DYNC2I1: variants seen among roughly 807,000 people sequenced by gnomAD.
The protein encoded by DYNC2I1 is cytoplasmic dynein 2 intermediate chain 1.
Under a neutral mutation model 133.4 loss-of-function variants are expected in DYNC2I1, and 89 were observed. The observed-to-expected ratio is 0.67, with a 90% CI of 0.56 to 0.80. DYNC2I1 has a LOEUF of 0.80. Among genes scored for constraint, DYNC2I1 ranks in the 30% least tolerant of loss-of-function variants. The pLI is 0.00. For synonymous variants in DYNC2I1, 504 were observed against 484.3 expected, an observed-to-expected ratio of 1.04 and a Z score of -0.54; for missense variants, 1,291 against 1,314.5, an observed-to-expected ratio of 0.98 and a Z score of 0.28.
chr7:158,872,823 C>T (rs759056940), intron 3 of DYNC2I1, among the ~76,000 whole-genome samples: 1 of 151,910 alleles, frequency 6.6e-6, no homozygotes. Context: ...ATGGCGAAAC[C>T]CCATCTCTAC....
chr7:158,927,128 T>A, intron 20 of DYNC2I1, 85 bp downstream of exon 20: 1 of 966,088 alleles, frequency 1.0e-6, no homozygotes, highest in Non-Finnish European at 1.6e-6. Context: ...TCAGGTGCAG[T>A]GGCTCACACC....
At chr7:158,909,562 A>T (rs1469898721) in intron 11 of DYNC2I1, among the ~76,000 whole-genome samples, 9 of 152,258 alleles carry the variant, frequency 5.9e-5, no homozygotes, top group African/African-American at 1.9e-4. Flanking sequence ...TACTTTCTTG[A>T]TGGAATGGCT....
rs764946820 is a variant in DYNC2I1 at position 158,945,188 on chromosome 7, A to G, written c.3003-393A>G. ...GCTCCAGGGTGAGTCCGGGCTGGAGACGCAGACTTGTGAGTCCTGACACTC... is the reference window on the plus strand; with the variant it reads ...GCTCCAGGGTGAGTCCGGGCTGGAGGCGCAGACTTGTGAGTCCTGACACTC... On this transcript the variant is annotated intron_variant, in intron 24 of 24. Transcript: ENST00000407559. The surrounding 1 kb of genome is among the most constrained non-coding windows in gnomAD (Gnocchi z 4.1). Among the ~76,000 whole-genome samples the G allele has an allele frequency of 1.4e-4, 22 of 151,912 alleles. No individual in the cohort carries two copies. The highest frequency in any genetic ancestry group is 2.4e-4 in the Non-Finnish European group (16 of 67,964).
rs751284357 is a variant in DYNC2I1, at chr7:158,859,190, T to C, written c.15+2440T>C. Among the ~76,000 whole-genome samples, 120 of 150,840 alleles carry C rather than the reference T, an allele frequency of 8.0e-4. 1 individual carries two copies. Among genetic ancestry groups the C allele is most frequent in the Non-Finnish European group, 3.5e-4 (24 of 67,812 alleles). ...GCATACCTTTTTAGACAAGAGTATA[T>C]GTGGGAAGAAAACTGTATGCCCTAA... On this transcript the variant is annotated intron_variant, in intron 1 of 24. Coordinates refer to ENST00000407559, the MANE Select transcript of DYNC2I1 (RefSeq NM_018051.5).
At chr7:158,937,218 A>G (rs1313027745) in intron 23 of DYNC2I1, among the ~76,000 whole-genome samples, 1 of 152,222 alleles carries the variant, frequency 6.6e-6, no homozygotes, top group Non-Finnish European at 1.5e-5. Context: ...AATCAAACAA[A>G]TCTTGGAACT....
intron 23 of DYNC2I1, among the ~76,000 whole-genome samples, chr7:158,938,754 TCAACAA>T (rs554871046): frequency 2.0e-5 from 3 of 151,102 alleles, no homozygotes; most frequent in Non-Finnish European, 2.9e-5. Context: ...AAACTCCATC[TCAACAA>T]CAACAACAAC....
rs1851838104 is a variant in DYNC2I1, at chr7:158,945,847, T to TACATTTGTGTGCA, written c.*70_*82dup. The TACATTTGTGTGCA allele has an allele frequency of 7.2e-7, 1 of 1,395,630 alleles. No homozygotes were observed. The highest frequency in any genetic ancestry group is 1.5e-5 in the South Asian group (1 of 65,564). 86.5% of individuals were successfully genotyped at this position (1,395,630 alleles called of 1,614,324 possible). On this transcript the variant is annotated 3_prime_UTR_variant, in exon 25 of 25. Transcript: ENST00000407559. This position sits in a 1 kb window ranked among gnomAD's most constrained non-coding sequence, Gnocchi z 4.1. ...TTAAAAGACATAAGGTGGATAATTC[T>TACATTTGTGTGCA]ACATTTGTGTGCAAGTATATTTATG...
chr7:158,874,278 G>C (rs1284061671), intron 3 of DYNC2I1, among the ~76,000 whole-genome samples: 1 of 151,176 alleles, frequency 6.6e-6, no homozygotes, highest in Non-Finnish European at 1.5e-5. Flanking sequence ...TGTGATCTTG[G>C]CTCACTGCAG....
At chr7:158,860,912 C>G (rs2129475947) in intron 1 of DYNC2I1, among the ~76,000 whole-genome samples, 1 of 152,264 alleles carries the variant, frequency 6.6e-6, no homozygotes, top group South Asian at 2.1e-4. Flanking sequence ...GTGGGGTCTC[C>G]AAGGTTGGTC....
intron 2 of DYNC2I1, 136 bp downstream of exon 2, chr7:158,870,044 T>A: frequency 2.8e-6 from 2 of 713,350 alleles, no homozygotes; most frequent in Non-Finnish European, 4.7e-6. Context: ...AACTCAGAGG[T>A]GAAGGTGTAC....
intron 3 of DYNC2I1, among the ~76,000 whole-genome samples, chr7:158,875,371 G>A (rs928256268): frequency 6.6e-6 from 1 of 152,186 alleles, no homozygotes; most frequent in African/African-American, 2.4e-5. Flanking sequence ...GGGATTACAA[G>A]TGTGAGCTAC....
chr7:158,856,613 T>G lies in DYNC2I1; in HGVS notation c.-123T>G, dbSNP rs2788472. The G allele has an allele frequency of 3.9e-6, 4 of 1,033,206 alleles. No individual in the cohort carries two copies. Among genetic ancestry groups the G allele is most frequent in the Non-Finnish European group, 5.0e-6 (4 of 807,668 alleles). The allele number at this position is 1,033,206 out of a possible 1,614,324, so 64.0% of individuals were successfully genotyped here. A position where few individuals can be genotyped will look rare whatever the true frequency, so the allele number is the denominator to read the frequency against. On this transcript the variant is annotated 5_prime_UTR_variant, in exon 1 of 25. Coordinates refer to ENST00000407559, the MANE Select transcript of DYNC2I1 (RefSeq NM_018051.5). ...CTTCTGGGCCCTCTGCTGCTCCTGCTTGTCGGTTGCTAGGCGCTGGGACGC... is the reference window on the plus strand; with the variant it reads ...CTTCTGGGCCCTCTGCTGCTCCTGCGTGTCGGTTGCTAGGCGCTGGGACGC...
At position 158,941,917 on chromosome 7, in the gene DYNC2I1, G is replaced by C. The variant is rs957371628; in HGVS notation, c.2779-8G>C. The C allele has an allele frequency of 6.3e-7, 1 of 1,590,152 alleles. No homozygotes were observed. The highest frequency in any genetic ancestry group is 1.3e-5 in the African/African-American group (1 of 74,304). ...ATGCTCAGCAGTGTTCTTTCTTCCT[G>C]GTCATAGGCCGGCTGTTCGGACGGA... is the stretch of plus-strand genomic sequence containing the variant. On this transcript the variant is annotated splice_polypyrimidine_tract_variant and splice_region_variant and intron_variant, in intron 23 of 24. Transcript: ENST00000407559.
intron 1 of DYNC2I1, among the ~76,000 whole-genome samples, chr7:158,864,720 G>A (rs1842247480): frequency 1.3e-5 from 2 of 151,918 alleles, no homozygotes; most frequent in African/African-American, 4.8e-5. Context: ...TGCCCTGGCT[G>A]GTCTTGAACT....
chr7:158,953,973 A>G (rs1475499392), intron 4 of DYNC2I1, among the ~76,000 whole-genome samples: 1 of 152,166 alleles, frequency 6.6e-6, no homozygotes, highest in African/African-American at 2.4e-5. Flanking sequence ...GTCATCTTGC[A>G]GCGTATCTCC....
At chr7:158,883,878 A>G (rs1358170558) in intron 5 of DYNC2I1, among the ~76,000 whole-genome samples, 1 of 147,254 alleles carries the variant, frequency 6.8e-6, no homozygotes, top group Admixed American at 6.8e-5. Flanking sequence ...GTTAGCCAGG[A>G]TGGTCTCGAT....
At chr7:158,913,469 A>C (rs1847693408) in intron 13 of DYNC2I1, among the ~76,000 whole-genome samples, 1 of 152,138 alleles carries the variant, frequency 6.6e-6, no homozygotes, top group African/African-American at 2.4e-5. Context: ...TAGAATTTTT[A>C]TGTTTCAAGT....
chr7:158,863,660 G>GA (rs1352476644), intron 1 of DYNC2I1, among the ~76,000 whole-genome samples: 1 of 69,804 alleles, frequency 1.4e-5, no homozygotes, highest in Admixed American at 1.3e-4. Context: ...CCTTAGCTGG[G>GA]GGGGGGTGTG....
Position 158,874,745 on chromosome 7 carries a change from TC to T in DYNC2I1, c.491-1862del. ...TGGTTTTAAATACTGTTTGTCTGTGTCCTTATTTCCAAGTTTTTACCCCCAG... is the reference window on the plus strand; with the variant it reads ...TGGTTTTAAATACTGTTTGTCTGTGTCTTATTTCCAAGTTTTTACCCCCAG... On this transcript the variant is annotated intron_variant, in intron 3 of 24. Transcript: ENST00000407559. Among the ~76,000 whole-genome samples, 4 of 152,294 alleles carry T rather than the reference TC, an allele frequency of 2.6e-5. 1 individual carries two copies. The East Asian group carries it at 7.7e-4, about 29-fold the overall frequency.
Sources: gnomAD v4.1 joint callset for allele counts (sites outside exome capture counted in the v4.1 genomes callset) on GRCh38, gnomAD v4.1.1 for gene constraint, Gnocchi (gnomAD v3.1) non-coding constraint, MANE v1.5 for transcripts, NCBI Gene and HGNC (gene_info 2026-07-23, HGNC 2026-07-21) for gene names.